Variants in AK9 observed in about 807,000 individuals in gnomAD.
AK9 encodes the protein adenylate kinase domain containing 1.
AK9 carries 191 observed loss-of-function variants against 239.6 expected under a neutral mutation model. That is an observed-to-expected ratio of 0.80 (90% CI 0.71 to 0.90). The LOEUF is 0.90. AK9 is among the 40% of genes least tolerant of loss of function. The pLI, the probability that AK9 is intolerant of heterozygous loss-of-function variation, is 0.00. For missense variants in AK9, 1,995 were observed against 2,214.7 expected (o/e 0.90, Z 1.99); for synonymous variants, 689 against 721.0 (o/e 0.96, Z 0.71).
At chr6:109,684,188 T>A (rs1192629561) in intron 1 of AK9, among the ~76,000 whole-genome samples, 3 of 152,166 alleles carry the variant, frequency 2.0e-5, no homozygotes, top group African/African-American at 7.2e-5. Flanking sequence ...GAAAGCTGGC[T>A]AGTCAAATGG....
rs368712891 is a variant in AK9 at position 109,493,448 on chromosome 6, G to A, written c.5657C>T (p.Pro1886Leu). The A allele has an allele frequency of 1.9e-6, 3 of 1,614,018 alleles. No individual in the cohort carries two copies. Among genetic ancestry groups the A allele is most frequent in the African/African-American group, 2.7e-5 (2 of 74,922 alleles). The change falls in exon 41 of 41, where the codon CCT becomes CTT. Residue 1886 changes from proline to leucine, a missense_variant. Pro to Leu is a moderately conservative substitution (Grantham distance 98). Around this residue, in one of 5 missense-constraint regions of AK9, gnomAD observed 391 missense variants for 456.0 expected, o/e 0.86. Coordinates refer to ENST00000424296, the MANE Select transcript of AK9 (RefSeq NM_001145128.3). ...GAKMTRKYKE[P>L]QFRAIDFDHK... ...ATCAAAGTCAATGGCTCTGAACTGAGGTTCCTTGTATTTTCTGGTCATCTT... is the reference window on the plus strand; with the variant it reads ...ATCAAAGTCAATGGCTCTGAACTGAAGTTCCTTGTATTTTCTGGTCATCTT...
intron 5 of AK9, among the ~76,000 whole-genome samples, chr6:109,664,892 T>C (rs937573193): frequency 1.3e-5 from 2 of 151,698 alleles, no homozygotes; most frequent in African/African-American, 2.4e-5. Context: ...ATACAAAAAT[T>C]AGCCAAGCAT....
intron 24 of AK9, 198 bp from the exon 25 acceptor site, chr6:109,550,500 C>T (rs561521689): frequency 9.8e-5 from 45 of 458,650 alleles, no homozygotes; most frequent in East Asian, 2.4e-4. Context: ...TTCTAAGTTT[C>T]TTTATTTTCA....
intron 10 of AK9, among the ~76,000 whole-genome samples, chr6:109,635,351 C>T (rs1418791445): frequency 1.3e-5 from 2 of 152,098 alleles, no homozygotes; most frequent in African/African-American, 4.8e-5. Flanking sequence ...TTGCAAAACC[C>T]TGGAAAGACA....
At chr6:109,566,566 G>A (rs1786545781) in intron 21 of AK9, among the ~76,000 whole-genome samples, 1 of 151,988 alleles carries the variant, frequency 6.6e-6, no homozygotes, top group African/African-American at 2.4e-5. Context: ...ATACAGGAAG[G>A]GTAACTGAAA....
At chr6:109,495,591 T>A in intron 38 of AK9, 151 bp from the exon 39 acceptor site, 1 of 500,008 alleles carries the variant, frequency 2.0e-6, no homozygotes, top group Non-Finnish European at 3.4e-6. Flanking sequence ...CTCCTGGAAG[T>A]GCACAGCCAC....
intron 29 of AK9, among the ~76,000 whole-genome samples, chr6:109,524,268 G>A (rs372216954): frequency 5.5e-4 from 84 of 152,028 alleles, no homozygotes; most frequent in African/African-American, 1.9e-3. Context: ...TTACCTTAAA[G>A]AAGAGAGAGA....
chr6:109,655,818 T>C (rs977195624), intron 8 of AK9, among the ~76,000 whole-genome samples: 1 of 152,226 alleles, frequency 6.6e-6, no homozygotes. Flanking sequence ...GAAAGGATGT[T>C]ATTGATAGTC....
At chr6:109,552,976 G>A (rs1784538988) in intron 24 of AK9, among the ~76,000 whole-genome samples, 1 of 152,078 alleles carries the variant, frequency 6.6e-6, no homozygotes. Context: ...TTTCCTCATT[G>A]CTTGTTTTTG....
rs777209630 is a variant in AK9, at chr6:109,633,318, C to T, written c.939G>A (p.Glu313=). 40 of 1,592,630 alleles carry T rather than the reference C, an allele frequency of 2.5e-5. No homozygotes were observed. The Admixed American group carries it at 4.7e-4, about 19-fold the overall frequency. The change falls in exon 11 of 41, where the codon GAG becomes GAA. Residue 313 remains glutamate (E), a synonymous_variant. Transcript: ENST00000424296. ...TATAAGATGCAAGAGTACGAAATAG[C>T]TCATCCTGTGAATTGCAAATACTAC... is the stretch of plus-strand genomic sequence containing the variant. ...EEINDTMEND[E]LFRTLASYKL...
At chr6:109,530,826 C>T (rs994319296) in intron 28 of AK9, among the ~76,000 whole-genome samples, 2 of 152,100 alleles carry the variant, frequency 1.3e-5, no homozygotes, top group African/African-American at 4.8e-5. Context: ...TAGAAACTAC[C>T]AGATATGGTC....
intron 25 of AK9, among the ~76,000 whole-genome samples, chr6:109,548,268 C>A (rs952183982): frequency 2.0e-5 from 3 of 152,040 alleles, no homozygotes; most frequent in Non-Finnish European, 4.4e-5. Context: ...CTCATATGAA[C>A]TTGTTATAAC....
rs115415188 is a variant in AK9 at position 109,502,295 on chromosome 6, C to A, written c.4850-3055G>T. ...GTACCCCCAGTACCCATGAATATGA[C>A]CTTATTCGGAAATAGGGTCAGAGAA... On this transcript the variant is annotated intron_variant, in intron 35 of 40. Transcript: ENST00000424296. Among the ~76,000 whole-genome samples, 424 of 152,266 alleles carry A rather than the reference C, an allele frequency of 2.8e-3. 1 individual carries two copies. Among genetic ancestry groups the A allele is most frequent in the African/African-American group, 9.8e-3 (405 of 41,534 alleles).
At chr6:109,497,362 A>ACACACTCTCTCTCT (rs1554230922) in intron 38 of AK9, 103 bp downstream of exon 38, 15 of 500,412 alleles carry the variant, frequency 3.0e-5, no homozygotes, top group African/African-American at 1.3e-4. Context: ...ACACACACAC[A>ACACACTCTCTCTCT]CTCTCTCTCT....
At chr6:109,508,595 C>T (rs750713726) in intron 33 of AK9, among the ~76,000 whole-genome samples, 3 of 152,150 alleles carry the variant, frequency 2.0e-5, no homozygotes, top group Non-Finnish European at 4.4e-5. Context: ...CAGGGGGGTT[C>T]TAGGTCAGTG....
At chr6:109,622,134 T>C (rs1038012042) in intron 12 of AK9, among the ~76,000 whole-genome samples, 3 of 146,466 alleles carry the variant, frequency 2.0e-5, no homozygotes, top group African/African-American at 2.5e-5. Flanking sequence ...ACACATATTG[T>C]ATATATTTTA....
intron 30 of AK9, 43 bp downstream of exon 30, chr6:109,516,387 A>G: frequency 6.7e-7 from 1 of 1,495,942 alleles, no homozygotes. Context: ...CTGATTCTCA[A>G]ATATTACTTT....
intron 24 of AK9, 37 bp from the exon 25 acceptor site, chr6:109,550,339 TAAA>T: frequency 6.5e-7 from 1 of 1,545,460 alleles, no homozygotes; most frequent in Non-Finnish European, 8.7e-7. Flanking sequence ...AACATTAAAC[TAAA>T]AAAGTATTTT....
intron 27 of AK9, among the ~76,000 whole-genome samples, chr6:109,537,207 G>A (rs1782132981): frequency 6.6e-6 from 1 of 152,154 alleles, no homozygotes; most frequent in African/African-American, 2.4e-5. Context: ...ACCTCTGGTA[G>A]AATTTGGCTG....
Sources: gnomAD v4.1 joint callset for allele counts (sites outside exome capture counted in the v4.1 genomes callset) on GRCh38, gnomAD v4.1.1 for gene constraint, gnomAD v4.1.1 regional missense constraint, MANE v1.5 for transcripts, NCBI Gene and HGNC (gene_info 2026-07-23, HGNC 2026-07-21) for gene names.